Variants in PIAS2 observed in about 807,000 individuals in gnomAD.
PIAS2 encodes E3 SUMO-protein ligase PIAS2.
Under a neutral mutation model 69.7 loss-of-function variants are expected in PIAS2, and 19 were observed. The observed-to-expected ratio is 0.27, with a 90% CI of 0.19 to 0.40. PIAS2 has a LOEUF of 0.40. PIAS2 is among the 10% of genes least tolerant of loss of function. PIAS2 has a pLI of 1.00. For missense variants in PIAS2, 624 were observed against 757.0 expected, an observed-to-expected ratio of 0.82 and a Z score of 2.06; for synonymous variants, 261 against 263.2, an observed-to-expected ratio of 0.99 and a Z score of 0.08.
At chr18:46,873,841 G>C (rs148602954) in intron 2 of PIAS2, among the ~76,000 whole-genome samples, 2 of 152,096 alleles carry the variant, frequency 1.3e-5, no homozygotes, top group Non-Finnish European at 2.9e-5. Context: ...ACAAGCTGCC[G>C]TTTCCTCTGA....
At chr18:46,884,800 C>T (rs1277593816) in intron 2 of PIAS2, among the ~76,000 whole-genome samples, 3 of 151,910 alleles carry the variant, frequency 2.0e-5, no homozygotes, top group African/African-American at 4.8e-5. Flanking sequence ...GCCTGTAATC[C>T]CAGCTACTCG....
At chr18:46,893,475 ATATTTCCAGTGATAACAT>A (rs2054369952) in intron 1 of PIAS2, 1 of 979,254 alleles carries the variant, frequency 1.0e-6, no homozygotes, top group Non-Finnish European at 1.2e-6. Flanking sequence ...CTCATATCTC[ATATTTCCAGTGATAACAT>A]TATTTGGCAA....
At chr18:46,904,893 A>G (rs942484581) in intron 1 of PIAS2, among the ~76,000 whole-genome samples, 2 of 151,552 alleles carry the variant, frequency 1.3e-5, no homozygotes, top group African/African-American at 4.9e-5. Flanking sequence ...ATGTGCTAGT[A>G]ATAATGTTAA....
Position 46,878,273 on chromosome 18 carries a change from T to C in PIAS2, c.499+12307A>G, listed in dbSNP as rs192205675. On this transcript the variant is annotated intron_variant, in intron 2 of 13. Transcript: ENST00000585916. ...TAAATGCAGGAACATGTGAAAGCAT[T>C]CTGAAAACAGTAAGATACTATACAT... 7.3e-4 allele frequency among the ~76,000 whole-genome samples: 111 copies of C among 152,312 alleles called. 1 individual carries two copies. Among genetic ancestry groups the C allele is most frequent in the East Asian group, 7.1e-3 (37 of 5,186 alleles).
intron 1 of PIAS2, chr18:46,915,738 T>TG (rs2057765442): frequency 6.6e-6 from 1 of 151,746 alleles, no homozygotes; most frequent in Non-Finnish European, 1.5e-5. Flanking sequence ...CATTAAGCTT[T>TG]GGCCAACAAC....
intron 1 of PIAS2, chr18:46,916,858 A>G (rs959445863): frequency 3.3e-5 from 33 of 985,390 alleles, no homozygotes; most frequent in East Asian, 1.1e-4. Context: ...AGCCATAAGA[A>G]GAGGAGAGAT....
At chr18:46,858,847 C>T (rs777970364) in intron 3 of PIAS2, among the ~76,000 whole-genome samples, 1 of 151,980 alleles carries the variant, frequency 6.6e-6, no homozygotes, top group Non-Finnish European at 1.5e-5. Context: ...AGGAGGGTAT[C>T]CAGGTTTTGG....
At chr18:46,864,029 G>C in intron 3 of PIAS2, 135 bp downstream of exon 3, 1 of 540,662 alleles carries the variant, frequency 1.8e-6, no homozygotes, top group Non-Finnish European at 3.3e-6. Flanking sequence ...CCTTGATCTT[G>C]GACAGAAGCC....
chr18:46,846,571 TAA>T, intron 6 of PIAS2, 134 bp downstream of exon 6: 1 of 854,812 alleles, frequency 1.2e-6, no homozygotes, highest in Non-Finnish European at 1.7e-6. Context: ...CTGCCACCTC[TAA>T]ACTGAAAATT....
At chr18:46,894,104 C>T (rs1598912831) in intron 1 of PIAS2, among the ~76,000 whole-genome samples, 1 of 152,080 alleles carries the variant, frequency 6.6e-6, no homozygotes. Flanking sequence ...CCAACCTGGG[C>T]GACAGAGTGA....
In PIAS2 at chr18:46,828,099, C is replaced by A; in HGVS notation, c.1368G>T (p.Val456=). The change falls in exon 11 of 14, where the codon GTG becomes GTT. Residue 456 remains valine (V), a synonymous_variant. Transcript: ENST00000585916. ...TCTTGCTTGCCTCACTGGCTACAGT[C>A]ACTGAACAAGGCTTACTGAGGACGC... ...SSSVLSKPCS[V]TVASEASKKK... The A allele has an allele frequency of 6.2e-7, 1 of 1,613,214 alleles. No homozygotes were observed. Among genetic ancestry groups the A allele is most frequent in the Non-Finnish European group, 8.5e-7 (1 of 1,179,608 alleles).
At chr18:46,876,812 T>G (rs2051284532) in intron 2 of PIAS2, among the ~76,000 whole-genome samples, 1 of 151,740 alleles carries the variant, frequency 6.6e-6, no homozygotes, top group Non-Finnish European at 1.5e-5. Flanking sequence ...TTCTCCCGCC[T>G]CAGCCTCCCG....
At chr18:46,901,184 A>C (rs1353870423) in intron 1 of PIAS2, 1 of 340,628 alleles carries the variant, frequency 2.9e-6, no homozygotes, top group Non-Finnish European at 5.7e-6. Flanking sequence ...TTGGGAGGCC[A>C]AGGCGGGCGG....
chr18:46,855,477 C>G, intron 4 of PIAS2, 42 bp from the exon 5 acceptor site: 1 of 1,571,204 alleles, frequency 6.4e-7, no homozygotes, highest in Non-Finnish European at 8.7e-7. Context: ...ATAGTGTGCT[C>G]AAACATTCTT....
intron 3 of PIAS2, among the ~76,000 whole-genome samples, chr18:46,859,371 T>C (rs1031755082): frequency 1.5e-5 from 2 of 135,128 alleles, no homozygotes; most frequent in African/African-American, 2.9e-5. Context: ...GAGCTTGCAG[T>C]GAGCCAAGAT....
chr18:46,898,338 G>A (rs1346380474), intron 1 of PIAS2, among the ~76,000 whole-genome samples: 1 of 151,446 alleles, frequency 6.6e-6, no homozygotes, highest in Middle Eastern at 3.2e-3. Flanking sequence ...GTAGAGACAG[G>A]GTTGCCATGT....
chr18:46,902,514 C>G (rs1052923922), intron 1 of PIAS2, among the ~76,000 whole-genome samples: 5 of 151,852 alleles, frequency 3.3e-5, no homozygotes, highest in African/African-American at 1.2e-4. Flanking sequence ...GAGCCGAGAT[C>G]GTGCCATTGC....
chr18:46,901,705 G>A (rs1019242825), intron 1 of PIAS2, among the ~76,000 whole-genome samples: 4 of 152,114 alleles, frequency 2.6e-5, no homozygotes, highest in South Asian at 2.1e-4. Context: ...TGCGAAAAAC[G>A]CATTTCACAA....
At chr18:46,880,518 G>A (rs910663971) in intron 2 of PIAS2, among the ~76,000 whole-genome samples, 1 of 152,158 alleles carries the variant, frequency 6.6e-6, no homozygotes, top group Non-Finnish European at 1.5e-5. Flanking sequence ...AGAGTTCAAG[G>A]ATGCAGTGCA....
Sources: gnomAD v4.1 joint callset for allele counts (sites outside exome capture counted in the v4.1 genomes callset) on GRCh38, gnomAD v4.1.1 for gene constraint, MANE v1.5 for transcripts, NCBI Gene and HGNC (gene_info 2026-07-23, HGNC 2026-07-21) for gene names.